Variants in PPL observed in about 807,000 individuals in gnomAD.
The protein encoded by PPL is periplakin, also known as 190 kDa paraneoplastic pemphigus antigen.
Under a neutral mutation model 194.4 loss-of-function variants are expected in PPL, and 198 were observed. The observed-to-expected ratio is 1.02, with a 90% CI of 0.91 to 1.15. The LOEUF is 1.15. Among genes scored for constraint, PPL ranks in the 50% most tolerant of loss-of-function variants. PPL has a pLI of 0.00. For synonymous variants in PPL, 1,220 were observed against 972.4 expected, an observed-to-expected ratio of 1.25 and a Z score of -4.74; for missense variants, 2,885 against 2,294.8, an observed-to-expected ratio of 1.26 and a Z score of -5.25.
Position 4,885,854 on chromosome 16 carries a change from C to T in PPL, c.2801G>A (p.Arg934Lys), listed in dbSNP as rs1295620878. 2.5e-6 allele frequency: 4 copies of T among 1,607,958 alleles called. No individual in the cohort carries two copies. The highest frequency in any genetic ancestry group is 3.4e-6 in the Non-Finnish European group (4 of 1,180,016). ...RNQGPQESVV[R>K]KEVLKKVPDP... ...CGGCACCTTCTTGAGCACCTCCTTCCTCACCACCGATTCCTGAGGCCCCTG... is the reference window on the plus strand; with the variant it reads ...CGGCACCTTCTTGAGCACCTCCTTCTTCACCACCGATTCCTGAGGCCCCTG... Residue 934 changes from arginine (R) to lysine (K), a missense_variant, in exon 22 of 22, where the codon AGG (arginine) becomes AAG (lysine). Coordinates refer to ENST00000345988, the MANE Select transcript of PPL (RefSeq NM_002705.5). This position sits in a 1 kb window ranked among gnomAD's most constrained non-coding sequence, Gnocchi z 6.3.
chr16:4,890,299 T>G lies in PPL; in HGVS notation c.2198A>C (p.Glu733Ala), dbSNP rs1165970203. The G allele has an allele frequency of 6.2e-7, 1 of 1,614,026 alleles. No homozygotes were observed. The highest frequency in any genetic ancestry group is 1.3e-5 in the African/African-American group (1 of 75,038). Residue 733 changes from glutamate (E) to alanine (A), a missense_variant, in exon 18 of 22, where the codon GAG (glutamate) becomes GCG (alanine). Transcript: ENST00000345988. ...GTGGTCATGGCCGCGGTGGAAGTGC[T>G]CGTAGGCTGCCTTGGCGCTCTGTAG... ...QSLQSAKAAY[E>A]HFHRGHDHVL...
rs2088163252 is a variant in PPL at position 4,884,163 on chromosome 16, TCTC to T, written c.4489_4491del (p.Glu1497del). On this transcript the variant is annotated inframe_deletion, in exon 22 of 22. Transcript: ENST00000345988. This position sits in a 1 kb window ranked among gnomAD's most constrained non-coding sequence, Gnocchi z 5.7. ...TGGACACTCTCGGAGAGCACCACCT[TCTC>T]CTTGACCTCCGCCTTCTCCAGTGCA... 2 of 1,613,824 alleles carry T rather than the reference TCTC, an allele frequency of 1.2e-6. No homozygotes were observed. The highest frequency in any genetic ancestry group is 1.3e-5 in the African/African-American group (1 of 74,994).
chr16:4,914,462 C>A (rs1388523954), intron 1 of PPL, among the ~76,000 whole-genome samples: 4 of 152,166 alleles, frequency 2.6e-5, no homozygotes, highest in Non-Finnish European at 4.4e-5. Flanking sequence ...AGCCAACATG[C>A]TGGGGATCCA....
In PPL at chr16:4,885,474, G is replaced by T; in HGVS notation, c.3181C>A (p.Gln1061Lys). The T allele has an allele frequency of 6.2e-7, 1 of 1,612,250 alleles. No homozygotes were observed. The change falls in exon 22 of 22, where the codon CAG becomes AAG. Residue 1061 changes from glutamine (Q) to lysine (K), a missense_variant. Physicochemically the swap from Gln to Lys is moderately conservative, Grantham distance 53. Coordinates refer to ENST00000345988, the MANE Select transcript of PPL (RefSeq NM_002705.5). The surrounding 1 kb of genome is among the most constrained non-coding windows in gnomAD (Gnocchi z 6.3). ...KVTEKEVVKL[Q>K]NDPQLEAEYQ... The stretch of plus-strand genomic sequence containing the variant: ...TCTGCCTCCAGCTGGGGGTCATTCT[G>T]CAGTTTCACCACCTCTTTCTCTGTG...
chr16:4,911,855 G>C (rs1426335565), intron 1 of PPL, among the ~76,000 whole-genome samples: 1 of 152,002 alleles, frequency 6.6e-6, no homozygotes. Context: ...TTTTTTGTGA[G>C]AGATAGGGTC....
In PPL at chr16:4,893,278, G is replaced by C; in HGVS notation, c.1585C>G (p.Leu529Val). The change falls in exon 14 of 22, where the codon CTG becomes GTG. Residue 529 changes from leucine (L) to valine (V), a missense_variant. Leu to Val is a conservative substitution (Grantham distance 32). Coordinates refer to ENST00000345988, the MANE Select transcript of PPL (RefSeq NM_002705.5). ...DRQEKAITGI[L>V]RPPLEQGRAV... ...CGGCCTTGCTCCAGTGGTGGCCGCAGGATCCCTGTGATGGCCTTCTCCTGC... is the reference window on the plus strand; with the variant it reads ...CGGCCTTGCTCCAGTGGTGGCCGCACGATCCCTGTGATGGCCTTCTCCTGC... The C allele has an allele frequency of 6.2e-7, 1 of 1,601,906 alleles. No homozygotes were observed. The highest frequency in any genetic ancestry group is 1.1e-5 in the South Asian group (1 of 89,814).
At chr16:4,909,798 A>G (rs1051844562) in intron 2 of PPL, among the ~76,000 whole-genome samples, 4 of 152,126 alleles carry the variant, frequency 2.6e-5, no homozygotes, top group African/African-American at 7.2e-5. Context: ...CTTACACTTG[A>G]TTTTCAGATA....
At position 4,902,536 on chromosome 16, in the gene PPL, G is replaced by C. The variant is rs201116350; in HGVS notation, c.318-10C>G. On this transcript the variant is annotated splice_polypyrimidine_tract_variant and intron_variant, in intron 3 of 21. Transcript: ENST00000345988. The surrounding 1 kb of genome is among the most constrained non-coding windows in gnomAD (Gnocchi z 4.0). ...CTTCAGCTGGCGGATACTGATGGGA[G>C]AGAGGCTCCCACTTAGTGGGGCTGG... is the stretch of plus-strand genomic sequence containing the variant. 30 of 1,611,982 alleles carry C rather than the reference G, an allele frequency of 1.9e-5. No individual in the cohort carries two copies. Among genetic ancestry groups the C allele is most frequent in the Middle Eastern group, 1.7e-4 (1 of 6,060 alleles).
Position 4,937,108 on chromosome 16 carries a change from G to A in PPL, c.-63C>T, listed in dbSNP as rs1365047435. 4 of 1,128,816 alleles carry A rather than the reference G, an allele frequency of 3.5e-6. No individual in the cohort carries two copies. In the African/African-American group the frequency reaches 5.0e-5, roughly 14 times the overall value. The allele number at this position is 1,128,816 out of a possible 1,614,324, so 69.9% of individuals were successfully genotyped here. A position where few individuals can be genotyped will look rare whatever the true frequency, so the allele number is the denominator to read the frequency against. On this transcript the variant is annotated 5_prime_UTR_variant, in exon 1 of 22. Transcript: ENST00000345988. ...CCGGGCGCGCACCGAGGGGCGGGCG[G>A]GAGCGCAGGTGAGCGAGCGGCGGCG...
At position 4,883,632 on chromosome 16, in the gene PPL, G is replaced by A. The variant is rs2142318631; in HGVS notation, c.5023C>T (p.His1675Tyr). The A allele has an allele frequency of 6.2e-7, 1 of 1,614,190 alleles. No individual in the cohort carries two copies. ...TTCCAGTCAATGAGCCCGGCACGGT[G>A]GGCTTCCTCCGGGGACAGCTCGCGG... ...TGRELSPEEA[H>Y]RAGLIDWNMF... is the part of the protein sequence containing the mutation. The change falls in exon 22 of 22, where the codon CAC (histidine) becomes TAC (tyrosine). Residue 1675 changes from histidine to tyrosine, a missense_variant. Coordinates refer to ENST00000345988, the MANE Select transcript of PPL (RefSeq NM_002705.5). This position sits in a 1 kb window ranked among gnomAD's most constrained non-coding sequence, Gnocchi z 4.8.
chr16:4,921,451 G>A (rs938658044), intron 1 of PPL, among the ~76,000 whole-genome samples: 3 of 152,160 alleles, frequency 2.0e-5, no homozygotes, highest in Non-Finnish European at 4.4e-5. Context: ...CAGAGCCTCA[G>A]TAGACACAGC....
intron 1 of PPL, among the ~76,000 whole-genome samples, chr16:4,917,319 T>C (rs543105733): frequency 6.6e-6 from 1 of 152,314 alleles, no homozygotes; most frequent in East Asian, 1.9e-4. Context: ...ATCTCTATTA[T>C]TCGGCCAAAG....
In PPL at chr16:4,907,308, T is replaced by TCACACACA. The variant is rs56210938; in HGVS notation, c.163-3276_163-3269dup. ...ATTATAGGGACTGATATATCTAATCTCACACACACACACACACACACACAC... is the reference window on the plus strand; with the variant it reads ...ATTATAGGGACTGATATATCTAATCTCACACACACACACACACACACACACACACACAC... On this transcript the variant is annotated intron_variant, in intron 2 of 21. Coordinates refer to ENST00000345988, the MANE Select transcript of PPL (RefSeq NM_002705.5). Among the ~76,000 whole-genome samples, 374 of 145,728 alleles carry TCACACACA rather than the reference T, an allele frequency of 2.6e-3. 5 individuals carry two copies. Among genetic ancestry groups the TCACACACA allele is most frequent in the African/African-American group, 6.8e-3 (263 of 38,918 alleles).
In PPL at chr16:4,928,120, G is replaced by C. The variant is rs530851881; in HGVS notation, c.62+8864C>G. On this transcript the variant is annotated intron_variant, in intron 1 of 21. Transcript: ENST00000345988. ...CATCAGGATGTCACTCTGGGTTCAG[G>C]ACCACTGGAGAAAGAGCACCAGCCT... Among the ~76,000 whole-genome samples, 6 of 152,306 alleles carry C rather than the reference G, an allele frequency of 3.9e-5. No individual in the cohort carries two copies. In the East Asian group the frequency reaches 1.2e-3, roughly 29 times the overall value.
chr16:4,908,715 A>G (rs1193819093), intron 2 of PPL, among the ~76,000 whole-genome samples: 1 of 151,764 alleles, frequency 6.6e-6, no homozygotes, highest in East Asian at 1.9e-4. Context: ...AATTTTTCAT[A>G]TTTTTTGTAG....
At chr16:4,921,895 T>A (rs2089057840) in intron 1 of PPL, among the ~76,000 whole-genome samples, 1 of 148,612 alleles carries the variant, frequency 6.7e-6, no homozygotes, top group Admixed American at 6.7e-5. Context: ...CAGCACACAG[T>A]CCTCAGAGGG....
chr16:4,910,551 C>T (rs1424226139), intron 2 of PPL, among the ~76,000 whole-genome samples: 6 of 152,048 alleles, frequency 3.9e-5, no homozygotes, highest in African/African-American at 9.7e-5. Context: ...ACTTAGTATC[C>T]GGGAGGTACT....
chr16:4,919,541 G>C (rs1000880447), intron 1 of PPL, among the ~76,000 whole-genome samples: 2 of 152,102 alleles, frequency 1.3e-5, no homozygotes, highest in Non-Finnish European at 2.9e-5. Context: ...TAGGATTACA[G>C]GTATGAGCCA....
chr16:4,883,678 T>C lies in PPL; in HGVS notation c.4977A>G (p.Val1659=). 6.2e-7 allele frequency: 1 copy of C among 1,614,132 alleles called. No homozygotes were observed. The highest frequency in any genetic ancestry group is 8.5e-7 in the Non-Finnish European group (1 of 1,180,014). ...QRENHLRRSI[V]VIHPDTGREL... Reference sequence around the variant, plus strand: ...CGCGGCCTGTGTCAGGGTGGATGACTACGATGGAGCGCCGCAGGTGGTTCT... The same window carrying C: ...CGCGGCCTGTGTCAGGGTGGATGACCACGATGGAGCGCCGCAGGTGGTTCT... Residue 1659 remains valine, a synonymous_variant, in exon 22 of 22, where the codon GTA becomes GTG. Coordinates refer to ENST00000345988, the MANE Select transcript of PPL (RefSeq NM_002705.5). This position sits in a 1 kb window ranked among gnomAD's most constrained non-coding sequence, Gnocchi z 4.8.
Sources: gnomAD v4.1 joint callset for allele counts (sites outside exome capture counted in the v4.1 genomes callset) on GRCh38, gnomAD v4.1.1 for gene constraint, Gnocchi (gnomAD v3.1) non-coding constraint, MANE v1.5 for transcripts, NCBI Gene and HGNC (gene_info 2026-07-23, HGNC 2026-07-21) for gene names.